The following CDH8 variants were observed in gnomAD, a reference collection of about 807,000 sequenced individuals.
CDH8 encodes the protein cadherin-8.
Under a neutral mutation model 68.1 loss-of-function variants are expected in CDH8, and 17 were observed. The ratio of observed to expected loss-of-function variants is 0.25; its 90% confidence interval spans 0.17 to 0.37. The LOEUF is 0.37. CDH8 is among the 10% of genes least tolerant of loss of function. The pLI, the probability that CDH8 is intolerant of heterozygous loss-of-function variation, is 1.00. For missense variants in CDH8, 763 were observed against 999.3 expected (o/e 0.76, Z 3.19); for synonymous variants, 372 against 365.1 (o/e 1.02, Z -0.21).
At chr16:61,838,545 T>C (rs1567493918) in intron 4 of CDH8, among the ~76,000 whole-genome samples, 1 of 152,106 alleles carries the variant, frequency 6.6e-6, no homozygotes. Context: ...TCGTTGCTCA[T>C]GGTAATTACA....
intron 10 of CDH8, among the ~76,000 whole-genome samples, chr16:61,668,488 G>A (rs564471219): frequency 7.2e-5 from 11 of 152,008 alleles, no homozygotes; most frequent in Non-Finnish European, 1.6e-4. Context: ...TTTATCTGAG[G>A]AATGCTTGCA....
rs1333851500 is a variant in CDH8, at chr16:61,648,703, A to G, written c.*4905T>C. Reference sequence around the variant, plus strand: ...AAGTTTGAGAATGCTACTGTATTTAATCTTTCTGTATCAACCATGTAGCTT... The same window carrying G: ...AAGTTTGAGAATGCTACTGTATTTAGTCTTTCTGTATCAACCATGTAGCTT... On this transcript the variant is annotated 3_prime_UTR_variant, in exon 12 of 12. Transcript: ENST00000577390. 6.6e-6 allele frequency: 1 copy of G among 151,930 alleles called. No homozygotes were observed. Among genetic ancestry groups the G allele is most frequent in the African/African-American group, 2.4e-5 (1 of 41,416 alleles). 9.4% of individuals were successfully genotyped at this position (151,930 alleles called of 1,614,324 possible). A position where few individuals can be genotyped will look rare whatever the true frequency, so the allele number is the denominator to read the frequency against.
intron 7 of CDH8, among the ~76,000 whole-genome samples, chr16:61,810,260 C>T (rs982061178): frequency 4.6e-5 from 7 of 152,290 alleles, no homozygotes; most frequent in East Asian, 1.9e-4. Flanking sequence ...AACATTTTCT[C>T]GCATGCACTT....
intron 10 of CDH8, among the ~76,000 whole-genome samples, chr16:61,674,470 A>T (rs1029066989): frequency 1.3e-5 from 2 of 151,016 alleles, no homozygotes; most frequent in Non-Finnish European, 2.9e-5. Context: ...AAAAAAAAAA[A>T]ACCCTCACAC....
At chr16:61,744,382 C>A (rs1209115667) in intron 8 of CDH8, among the ~76,000 whole-genome samples, 1 of 151,908 alleles carries the variant, frequency 6.6e-6, no homozygotes, top group East Asian at 1.9e-4. Context: ...TTTCTTTCTC[C>A]TTAGTTTACA....
At chr16:61,779,229 T>C (rs899098413) in intron 8 of CDH8, among the ~76,000 whole-genome samples, 53 of 152,134 alleles carry the variant, frequency 3.5e-4, no homozygotes, top group Non-Finnish European at 4.4e-4. Flanking sequence ...CATTTTAAAA[T>C]GAGCATTCAG....
At chr16:62,005,807 T>C (rs1487271187) in intron 2 of CDH8, among the ~76,000 whole-genome samples, 2 of 151,756 alleles carry the variant, frequency 1.3e-5, no homozygotes, top group East Asian at 3.9e-4. Context: ...CAGTTCATAT[T>C]TGCCAGTGTA....
chr16:61,742,220 C>A (rs1366042829), intron 8 of CDH8, among the ~76,000 whole-genome samples: 1 of 152,060 alleles, frequency 6.6e-6, no homozygotes, highest in Non-Finnish European at 1.5e-5. Flanking sequence ...GACAACCATG[C>A]AAACTTGACT....
chr16:61,938,273 T>C (rs1348759857), intron 2 of CDH8, among the ~76,000 whole-genome samples: 1 of 152,144 alleles, frequency 6.6e-6, no homozygotes, highest in Admixed American at 6.5e-5. Flanking sequence ...GCATTTCTTT[T>C]AAAATATACA....
intron 2 of CDH8, among the ~76,000 whole-genome samples, chr16:61,973,652 A>G (rs1380612688): frequency 1.3e-5 from 2 of 152,224 alleles, no homozygotes; most frequent in Non-Finnish European, 2.9e-5. Flanking sequence ...CATCCACAAG[A>G]TGCAAAGAAA....
intron 2 of CDH8, among the ~76,000 whole-genome samples, chr16:61,977,905 T>G (rs558834189): frequency 0.014 from 2,155 of 152,270 alleles, 52 homozygotes; most frequent in African/African-American, 0.049. Context: ...TACTAAGCAT[T>G]CAGTACATAT....
At chr16:61,914,502 T>A (rs951420815) in intron 2 of CDH8, among the ~76,000 whole-genome samples, 16 of 151,478 alleles carry the variant, frequency 1.1e-4, no homozygotes, top group Non-Finnish European at 2.4e-4. Flanking sequence ...GTAGGGAGAT[T>A]TTTTTTTTCT....
intron 7 of CDH8, among the ~76,000 whole-genome samples, chr16:61,792,744 G>A (rs542724530): frequency 6.6e-6 from 1 of 151,854 alleles, no homozygotes; most frequent in African/African-American, 2.4e-5. Flanking sequence ...GCATAAAATG[G>A]GGATAGTAAT....
At chr16:61,924,096 C>A (rs967830600) in intron 2 of CDH8, among the ~76,000 whole-genome samples, 1 of 151,616 alleles carries the variant, frequency 6.6e-6, no homozygotes, top group South Asian at 2.1e-4. Context: ...CCGCTGACTT[C>A]GAGATCAAAA....
intron 2 of CDH8, among the ~76,000 whole-genome samples, chr16:61,955,881 T>A (rs891268704): frequency 1.3e-5 from 2 of 152,102 alleles, no homozygotes; most frequent in Admixed American, 6.5e-5. Flanking sequence ...TGCCCCCAAA[T>A]ACACAGTTCC....
At chr16:61,818,069 A>C (rs1962121565) in intron 6 of CDH8, 1 of 192,356 alleles carries the variant, frequency 5.2e-6, no homozygotes, top group Admixed American at 5.3e-5. Flanking sequence ...CCTGCATACT[A>C]ATCAGCCACT....
chr16:61,667,280 T>TTG (rs1345611667), intron 10 of CDH8: 3 of 151,960 alleles, frequency 2.0e-5, no homozygotes, highest in Admixed American at 1.3e-4. Flanking sequence ...CCATAAAATA[T>TTG]TGGAGCAAGG....
chr16:61,901,561 CT>C, intron 2 of CDH8, 88 bp from the exon 3 acceptor site: 1 of 884,932 alleles, frequency 1.1e-6, no homozygotes, highest in Non-Finnish European at 1.8e-6. Flanking sequence ...TAAGTTGGTT[CT>C]TTTTACATAA....
chr16:61,864,900 C>A (rs989748535), intron 3 of CDH8, among the ~76,000 whole-genome samples: 7 of 152,278 alleles, frequency 4.6e-5, no homozygotes, highest in African/African-American at 1.2e-4. Context: ...GGTAATCAGT[C>A]TTGCCATTTA....
Sources: allele counts gnomAD v4.1 joint callset (sites outside exome capture counted in the v4.1 genomes callset), GRCh38; gene constraint gnomAD v4.1.1; transcripts MANE v1.5; gene names NCBI Gene and HGNC (gene_info 2026-07-23, HGNC 2026-07-21).